ZZZ3: variants seen among roughly 807,000 people sequenced by gnomAD.
ZZZ3 encodes ZZ-type zinc finger-containing protein 3.
ZZZ3 carries 22 observed loss-of-function variants against 95.2 expected under a neutral mutation model. That is an observed-to-expected ratio of 0.23 (90% CI 0.17 to 0.33). ZZZ3 has a LOEUF of 0.33. Among genes scored for constraint, ZZZ3 ranks in the 10% least tolerant of loss-of-function variants. ZZZ3 has a pLI of 1.00. For missense variants in ZZZ3, 885 were observed against 1,066.5 expected (o/e 0.83, Z 2.37); for synonymous variants, 335 against 358.9 (o/e 0.93, Z 0.75).
At chr1:77,577,954 G>A (rs987428012) in intron 11 of ZZZ3, among the ~76,000 whole-genome samples, 5 of 152,108 alleles carry the variant, frequency 3.3e-5, no homozygotes, top group Admixed American at 2.6e-4. Context: ...GTCCTGTTTG[G>A]GAAAGAAACA....
intron 5 of ZZZ3, among the ~76,000 whole-genome samples, chr1:77,606,044 C>T (rs895948159): frequency 2.0e-5 from 3 of 152,174 alleles, no homozygotes; most frequent in African/African-American, 7.2e-5. Flanking sequence ...TCTTGGGGTC[C>T]CCAATTCCAG....
chr1:77,603,685 A>G (rs1049764909), intron 5 of ZZZ3, among the ~76,000 whole-genome samples: 4 of 152,182 alleles, frequency 2.6e-5, no homozygotes, highest in Admixed American at 2.6e-4. Context: ...CATTTTTAAC[A>G]GGACAAGGCA....
rs139816607 is a variant in ZZZ3, at chr1:77,591,447, T to A, written c.1506-6792A>T. ...AGCCTCAAACTCAGGGCTCAAGTTG[T>A]CCTCCCACCCCAGCCTCCCAAGTAG... On this transcript the variant is annotated intron_variant, in intron 5 of 14. Transcript: ENST00000370801. Among the ~76,000 whole-genome samples the A allele has an allele frequency of 2.5e-3, 388 of 152,270 alleles. 1 individual carries two copies. The highest frequency in any genetic ancestry group is 8.3e-3 in the African/African-American group (346 of 41,558).
At chr1:77,644,499 C>T (rs906703553) in intron 1 of ZZZ3, among the ~76,000 whole-genome samples, 1 of 152,162 alleles carries the variant, frequency 6.6e-6, no homozygotes, top group African/African-American at 2.4e-5. Context: ...GTCTTGGATG[C>T]CTTCTATAGA....
At chr1:77,579,679 T>A in intron 9 of ZZZ3, 51 bp from the exon 10 acceptor site, 1 of 1,076,806 alleles carries the variant, frequency 9.3e-7, no homozygotes, top group Non-Finnish European at 1.4e-6. Context: ...TAATTTTAAA[T>A]ATTGGATTTC....
In ZZZ3 at chr1:77,614,103, A is replaced by G. The variant is rs1395691521; in HGVS notation, c.1505+17747T>C. ...CATACAGATTAATGACATGACACTA[A>G]TGTAAAATATTTTTTAAATATGCTT... On this transcript the variant is annotated intron_variant, in intron 5 of 14. Transcript: ENST00000370801. 2.0e-5 allele frequency among the ~76,000 whole-genome samples: 3 copies of G among 152,318 alleles called. No homozygotes were observed. The East Asian group carries it at 5.8e-4, about 29-fold the overall frequency.
chr1:77,663,474 GCA>G (rs1177152442), intron 1 of ZZZ3, among the ~76,000 whole-genome samples: 1 of 151,990 alleles, frequency 6.6e-6, no homozygotes, highest in Non-Finnish European at 1.5e-5. Flanking sequence ...TCCACAATAA[GCA>G]CTCTCAATTC....
rs146311045 is a variant in ZZZ3, at chr1:77,667,345, C to T, written c.-403+15240G>A. Reference sequence around the variant, plus strand: ...AGATGCTTTTTATCATGTAACATACCAAGGAATAAAACTTTGTCTTTAGAC... The same window carrying T: ...AGATGCTTTTTATCATGTAACATACTAAGGAATAAAACTTTGTCTTTAGAC... On this transcript the variant is annotated intron_variant, in intron 1 of 14. Coordinates refer to ENST00000370801, the MANE Select transcript of ZZZ3 (RefSeq NM_015534.6). Among the ~76,000 whole-genome samples, 566 of 152,182 alleles carry T rather than the reference C, an allele frequency of 3.7e-3. 9 individuals are homozygous for T. Among genetic ancestry groups the T allele is most frequent in the South Asian group, 0.031 (151 of 4,820 alleles).
Position 77,579,508 on chromosome 1 carries a change from C to T in ZZZ3, c.2082+19G>A, listed in dbSNP as rs188257522. The T allele has an allele frequency of 8.4e-5, 131 of 1,552,314 alleles. No individual in the cohort carries two copies. The East Asian group carries it at 2.9e-3, about 35-fold the overall frequency. On this transcript the variant is annotated intron_variant, in intron 10 of 14. Transcript: ENST00000370801. ...CTACCAAAAGCATACCAGCAATCTG[C>T]AGTCATCTCCTCAATTACCTGTTTT...
chr1:77,623,539 C>T (rs987513386), intron 5 of ZZZ3, among the ~76,000 whole-genome samples: 4 of 152,074 alleles, frequency 2.6e-5, no homozygotes, highest in Admixed American at 6.5e-5. Context: ...GAAGGCTAAC[C>T]GAGATCTAGA....
chr1:77,623,967 C>T (rs1667109453), intron 5 of ZZZ3, among the ~76,000 whole-genome samples: 2 of 152,096 alleles, frequency 1.3e-5, no homozygotes. Context: ...CAGATCTTCC[C>T]ATTTATTACT....
chr1:77,680,610 C>T (rs1672664943), intron 1 of ZZZ3, among the ~76,000 whole-genome samples: 1 of 152,180 alleles, frequency 6.6e-6, no homozygotes, highest in Non-Finnish European at 1.5e-5. Flanking sequence ...AAAAACAACA[C>T]TTACAAAATG....
At chr1:77,636,048 C>T (rs1212951802) in intron 4 of ZZZ3, among the ~76,000 whole-genome samples, 1 of 152,082 alleles carries the variant, frequency 6.6e-6, no homozygotes, top group Non-Finnish European at 1.5e-5. Context: ...ACAAAAAAAG[C>T]ATAAGGCTAA....
At chr1:77,587,258 CTTTTTTTTTTT>C (rs34952237) in intron 5 of ZZZ3, among the ~76,000 whole-genome samples, 1 of 85,262 alleles carries the variant, frequency 1.2e-5, no homozygotes, top group South Asian at 4.1e-4. Context: ...AACTTTGACC[CTTTTTTTTTTT>C]TTTTTTTTTT....
intron 5 of ZZZ3, among the ~76,000 whole-genome samples, chr1:77,606,016 A>G (rs1665196001): frequency 6.6e-6 from 1 of 152,196 alleles, no homozygotes; most frequent in Non-Finnish European, 1.5e-5. Context: ...CCACAGTGGG[A>G]TAGAGCACCA....
In ZZZ3 at chr1:77,581,059, C is replaced by G; in HGVS notation, c.1919G>C (p.Gly640Ala). The G allele has an allele frequency of 6.2e-7, 1 of 1,614,016 alleles. No individual in the cohort carries two copies. Among genetic ancestry groups the G allele is most frequent in the Non-Finnish European group, 8.5e-7 (1 of 1,179,888 alleles). Residue 640 changes from glycine (G) to alanine (A), a missense_variant, in exon 9 of 15, where the codon GGA (glycine) becomes GCA (alanine). Physicochemically the swap from Gly to Ala is moderately conservative, Grantham distance 60. This residue lies in a region of ZZZ3 where 99 missense variants were observed against 119.8 expected (regional missense o/e 0.83). Transcript: ENST00000370801. The part of the protein sequence containing the change: ...GSSSRPQMIR[G>A]RLCDDTKPET... ...AGGTTTGGTATCATCACACAAGCGT[C>G]CTCTTATCATCTGCACATAAGACAA...
chr1:77,660,093 A>T (rs1268275431), intron 1 of ZZZ3, among the ~76,000 whole-genome samples: 1 of 152,102 alleles, frequency 6.6e-6, no homozygotes, highest in African/African-American at 2.4e-5. Context: ...CAACCTCCCA[A>T]AGAGCTGGGA....
chr1:77,653,165 C>CA (rs1463903048), intron 1 of ZZZ3, among the ~76,000 whole-genome samples: 5 of 149,324 alleles, frequency 3.3e-5, no homozygotes, highest in African/African-American at 1.2e-4. Context: ...CCAGCCTGGG[C>CA]AAAAGGGCAA....
At chr1:77,600,424 C>T (rs1402742962) in intron 5 of ZZZ3, among the ~76,000 whole-genome samples, 1 of 152,038 alleles carries the variant, frequency 6.6e-6, no homozygotes, top group Admixed American at 6.6e-5. Flanking sequence ...AAGAACTTTT[C>T]CTAACAGAGG....
Sources: gnomAD v4.1 joint callset for allele counts (sites outside exome capture counted in the v4.1 genomes callset) on GRCh38, gnomAD v4.1.1 for gene constraint, gnomAD v4.1.1 regional missense constraint, MANE v1.5 for transcripts, NCBI Gene and HGNC (gene_info 2026-07-23, HGNC 2026-07-21) for gene names.